Variants in CFAP47 observed in about 807,000 individuals in gnomAD.
The protein encoded by CFAP47 is cilia- and flagella-associated protein 47.
A neutral mutation model predicts 148.1 loss-of-function variants in CFAP47; 29 were observed. That is an observed-to-expected ratio of 0.20 (90% CI 0.15 to 0.27). The LOEUF (loss-of-function observed/expected upper bound fraction) is 0.27. Ranked by LOEUF, CFAP47 falls within the 10% of genes least tolerant of loss-of-function variation. CFAP47 has a pLI of 1.00. For missense variants in CFAP47, 1,872 were observed against 1,697.5 expected (o/e 1.10, Z -1.81); for synonymous variants, 664 against 577.3 (o/e 1.15, Z -2.15).
At chrX:36,328,607 G>A (rs1302098899) in intron 57 of CFAP47, among the ~76,000 whole-genome samples, 2 of 108,070 alleles carry the variant, frequency 1.9e-5, no homozygotes, top group Non-Finnish European at 3.8e-5. Flanking sequence ...TCAGGAGATC[G>A]AGACCATCCT....
At chrX:36,226,714 A>G (rs1940274133) in intron 45 of CFAP47, among the ~76,000 whole-genome samples, 1 of 111,477 alleles carries the variant, frequency 9.0e-6, no homozygotes, top group Non-Finnish European at 1.9e-5. Context: ...TACACTTAAG[A>G]ATGTCTTTGG....
chrX:36,318,881 C>T (rs1393245476), intron 56 of CFAP47, among the ~76,000 whole-genome samples: 1 of 111,146 alleles, frequency 9.0e-6, no homozygotes, highest in Non-Finnish European at 1.9e-5. Context: ...GCTATGTTGC[C>T]CAGACTGGCC....
At chrX:36,173,965 T>G (rs919886875) in intron 39 of CFAP47, among the ~76,000 whole-genome samples, 6 of 111,111 alleles carry the variant, frequency 5.4e-5, no homozygotes, top group African/African-American at 2.0e-4. Flanking sequence ...CAGGACTTGC[T>G]TTATGAATCT....
At chrX:36,076,188 T>A (rs975861839) in intron 29 of CFAP47, among the ~76,000 whole-genome samples, 1 of 110,061 alleles carries the variant, frequency 9.1e-6, no homozygotes, top group East Asian at 2.9e-4. Context: ...CTTTTTTTTT[T>A]TTTATTATAC....
chrX:35,932,244 T>TTTTCTTTC (rs780392333), intron 2 of CFAP47, among the ~76,000 whole-genome samples: 1 of 106,265 alleles, frequency 9.4e-6, no homozygotes, highest in African/African-American at 3.5e-5. Flanking sequence ...TTTTCTTTTC[T>TTTTCTTTC]TTTCTTTCTT....
chrX:36,161,878 G>T (rs1277555516), intron 39 of CFAP47, among the ~76,000 whole-genome samples: 1 of 112,062 alleles, frequency 8.9e-6, no homozygotes, highest in South Asian at 3.7e-4. Context: ...GTTCCTAGGT[G>T]CATGTAAGAG....
intron 22 of CFAP47, among the ~76,000 whole-genome samples, chrX:36,029,182 A>G (rs1753165706): frequency 9.0e-6 from 1 of 110,935 alleles, no homozygotes; most frequent in Non-Finnish European, 1.9e-5. Flanking sequence ...ACAGTTGCTC[A>G]TAATAGTCTC....
intron 53 of CFAP47, among the ~76,000 whole-genome samples, chrX:36,302,250 C>A (rs1037102822): frequency 9.1e-6 from 1 of 110,390 alleles, no homozygotes; most frequent in Admixed American, 9.8e-5. Flanking sequence ...GGTGAAAGAA[C>A]AAATTCATGA....
At chrX:36,296,947 TTTTA>T (rs1243007060) in intron 51 of CFAP47, among the ~76,000 whole-genome samples, 1 of 112,009 alleles carries the variant, frequency 8.9e-6, no homozygotes, top group Non-Finnish European at 1.9e-5. Flanking sequence ...CATTTTACAC[TTTTA>T]TTTTTCCTTC....
chrX:36,195,291 G>A (rs1039661416), intron 42 of CFAP47, among the ~76,000 whole-genome samples: 21 of 112,083 alleles, frequency 1.9e-4, no homozygotes, highest in Non-Finnish European at 3.0e-4. Context: ...CTGGGCAGGA[G>A]AGATGGGTAC....
intron 48 of CFAP47, among the ~76,000 whole-genome samples, chrX:36,249,438 T>C (rs782079904): frequency 1.4e-4 from 16 of 110,360 alleles, no homozygotes; most frequent in Non-Finnish European, 2.7e-4. Context: ...CTGACCAATA[T>C]ATAGAGTTAC....
chrX:36,369,485 CA>C (rs1223519087), intron 62 of CFAP47, among the ~76,000 whole-genome samples: 3 of 110,577 alleles, frequency 2.7e-5, no homozygotes, highest in Non-Finnish European at 5.7e-5. Context: ...AATTATCCCC[CA>C]TAAGTGCTTC....
intron 15 of CFAP47, among the ~76,000 whole-genome samples, chrX:35,976,871 T>C (rs1299508030): frequency 8.9e-6 from 1 of 111,759 alleles, no homozygotes; most frequent in Non-Finnish European, 1.9e-5. Flanking sequence ...GCCCTGTATT[T>C]GTGAAGCATC....
At chrX:35,997,924 T>G (rs1055536783) in intron 19 of CFAP47, among the ~76,000 whole-genome samples, 1 of 111,494 alleles carries the variant, frequency 9.0e-6, no homozygotes, top group Admixed American at 9.6e-5. Flanking sequence ...ATCATTCAGT[T>G]GTTCATCCCA....
intron 57 of CFAP47, among the ~76,000 whole-genome samples, chrX:36,342,863 C>T (rs1411226715): frequency 9.0e-6 from 1 of 111,314 alleles, no homozygotes; most frequent in Non-Finnish European, 1.9e-5. Flanking sequence ...CATAGGTATA[C>T]ATGTGGCGTG....
rs1376896083 is a variant in CFAP47, at chrX:36,063,384, T to C, written c.4218-2259T>C. Among the ~76,000 whole-genome samples, 4 of 111,414 alleles carry C rather than the reference T, an allele frequency of 3.6e-5. No homozygotes were observed. In the Admixed American group the frequency reaches 3.8e-4, roughly 11 times the overall value. On this transcript the variant is annotated intron_variant, in intron 26 of 63. Coordinates refer to ENST00000378653, the MANE Select transcript of CFAP47 (RefSeq NM_001304548.2). ...CTGTTTTAATATATTTTAATAGTAA[T>C]ATCAATGAGTGAAGTGTCCATAGTC...
At chrX:35,925,339 C>T (rs182810949) in intron 1 of CFAP47, among the ~76,000 whole-genome samples, 9 of 110,367 alleles carry the variant, frequency 8.2e-5, no homozygotes, top group Admixed American at 6.7e-4. Flanking sequence ...CACGCCACTG[C>T]ACTCCAGCCT....
intron 62 of CFAP47, among the ~76,000 whole-genome samples, chrX:36,371,739 T>TATGTGTGTATATACACAC (rs1400926021): frequency 2.9e-4 from 17 of 58,723 alleles, no homozygotes; most frequent in Non-Finnish European, 4.4e-4. Context: ...TGTGTGTATA[T>TATGTGTGTATATACACAC]ATGTGTGTAT....
chrX:36,290,359 C>T (rs782575015), intron 51 of CFAP47, among the ~76,000 whole-genome samples: 1 of 111,984 alleles, frequency 8.9e-6, no homozygotes, highest in Non-Finnish European at 1.9e-5. Flanking sequence ...TGGTTAGATA[C>T]GATGTTAACC....
Sources: allele counts gnomAD v4.1 joint callset (sites outside exome capture counted in the v4.1 genomes callset), GRCh38; gene constraint gnomAD v4.1.1; transcripts MANE v1.5; gene names NCBI Gene and HGNC (gene_info 2026-07-23, HGNC 2026-07-21).